Variants in RALGPS2 observed in about 807,000 individuals in gnomAD.
The protein encoded by RALGPS2 is Ral GEF with PH domain and SH3 binding motif 2.
In RALGPS2, 43 loss-of-function variants were observed where a neutral mutation model predicts 86.8. The ratio of observed to expected loss-of-function variants is 0.50; its 90% CI spans 0.39 to 0.64. The LOEUF is 0.64. Ranked by LOEUF, RALGPS2 falls within the 30% of genes least tolerant of loss-of-function variation. The pLI is 0.00. For missense variants in RALGPS2, 536 were observed against 694.6 expected (o/e 0.77, Z 2.57); for synonymous variants, 243 against 231.3 (o/e 1.05, Z -0.46).
chr1:178,830,135 G>C (rs1306595115), intron 7 of RALGPS2, among the ~76,000 whole-genome samples: 1 of 152,168 alleles, frequency 6.6e-6, no homozygotes, highest in East Asian at 1.9e-4. Flanking sequence ...TAGCTTGATA[G>C]CTTGATAATA....
At chr1:178,861,221 C>T (rs1237611952) in intron 8 of RALGPS2, among the ~76,000 whole-genome samples, 1 of 151,558 alleles carries the variant, frequency 6.6e-6, no homozygotes, top group Non-Finnish European at 1.5e-5. Flanking sequence ...AGCAGATTAT[C>T]CCTTTGAATT....
chr1:178,909,325 T>C (rs1660514494), intron 19 of RALGPS2, among the ~76,000 whole-genome samples: 1 of 152,218 alleles, frequency 6.6e-6, no homozygotes. Flanking sequence ...TGTAGTCTTG[T>C]AGTATAGTTT....
Position 178,920,447 on chromosome 1 carries a change from TC to T in RALGPS2, c.*4089del, listed in dbSNP as rs1459798558. The T allele has an allele frequency of 6.6e-6, 1 of 151,970 alleles. No homozygotes were observed. The highest frequency in any genetic ancestry group is 1.5e-5 in the Non-Finnish European group (1 of 67,870). 9.4% of individuals were successfully genotyped at this position (151,970 alleles called of 1,614,324 possible). A position where few individuals can be genotyped will look rare whatever the true frequency, so the allele number is the denominator to read the frequency against. On this transcript the variant is annotated 3_prime_UTR_variant, in exon 20 of 20. Transcript: ENST00000367635. Reference sequence around the variant, plus strand: ...CATGTGCCCTCTTGCTCCTCTTATTTCAGGAGTGTGTGCTATCCCTCTCTCC... The same window carrying T: ...CATGTGCCCTCTTGCTCCTCTTATTTAGGAGTGTGTGCTATCCCTCTCTCC...
chr1:178,788,829 T>TTTTTC (rs533774905), intron 4 of RALGPS2, among the ~76,000 whole-genome samples: 1 of 141,414 alleles, frequency 7.1e-6, no homozygotes, highest in East Asian at 2.0e-4. Flanking sequence ...TTTTCTTTTG[T>TTTTTC]TTTCTTTCTT....
At chr1:178,731,085 T>G (rs1161961889) in intron 1 of RALGPS2, among the ~76,000 whole-genome samples, 1 of 152,112 alleles carries the variant, frequency 6.6e-6, no homozygotes, top group East Asian at 1.9e-4. Flanking sequence ...TTTGGTGAAA[T>G]GCATCCTTTG....
intron 8 of RALGPS2, chr1:178,869,126 G>C (rs979928633): frequency 2.6e-5 from 4 of 151,938 alleles, no homozygotes; most frequent in African/African-American, 9.7e-5. Context: ...TTAAATTTAA[G>C]TCTTTACTTA....
intron 3 of RALGPS2, 51 bp downstream of exon 3, chr1:178,784,573 G>C (rs767339337): frequency 1.5e-6 from 2 of 1,362,998 alleles, no homozygotes; most frequent in South Asian, 3.1e-5. Context: ...TTTACATATT[G>C]GTGCTATTGA....
At chr1:178,735,732 T>C (rs1252846544) in intron 1 of RALGPS2, among the ~76,000 whole-genome samples, 1 of 151,450 alleles carries the variant, frequency 6.6e-6, no homozygotes, top group Non-Finnish European at 1.5e-5. Context: ...TACATGTATC[T>C]CAAAAGTAAA....
chr1:178,899,867 T>C (rs778099311), intron 17 of RALGPS2, among the ~76,000 whole-genome samples: 9 of 151,828 alleles, frequency 5.9e-5, no homozygotes, highest in Non-Finnish European at 1.2e-4. Flanking sequence ...CCTGGAGTTA[T>C]ATTGGGGAAA....
At chr1:178,809,070 G>A (rs1046076082) in intron 5 of RALGPS2, among the ~76,000 whole-genome samples, 8 of 151,758 alleles carry the variant, frequency 5.3e-5, no homozygotes, top group Admixed American at 4.6e-4. Context: ...AGCTGGTCTC[G>A]AACTCCTGGC....
At chr1:178,891,993 T>C (rs1340280240) in intron 14 of RALGPS2, among the ~76,000 whole-genome samples, 2 of 151,900 alleles carry the variant, frequency 1.3e-5, no homozygotes, top group African/African-American at 4.8e-5. Context: ...TATATGTAAA[T>C]ATATGGTGTG....
chr1:178,844,395 G>A (rs1423284306), intron 8 of RALGPS2, among the ~76,000 whole-genome samples: 2 of 152,088 alleles, frequency 1.3e-5, no homozygotes, highest in Non-Finnish European at 2.9e-5. Flanking sequence ...CCTATATGCT[G>A]GTAAAACTCT....
intron 8 of RALGPS2, among the ~76,000 whole-genome samples, chr1:178,849,476 G>T (rs749311678): frequency 3.3e-4 from 50 of 152,302 alleles, no homozygotes; most frequent in South Asian, 1.0e-3. Flanking sequence ...TGAAAATTCT[G>T]TAAGGCTTGT....
chr1:178,859,029 A>G (rs1657778807), intron 8 of RALGPS2, among the ~76,000 whole-genome samples: 1 of 152,154 alleles, frequency 6.6e-6, no homozygotes, highest in African/African-American at 2.4e-5. Context: ...ACATTTCTGG[A>G]GTGGGAAGTT....
At chr1:178,915,328 C>G (rs184731158) in intron 19 of RALGPS2, among the ~76,000 whole-genome samples, 1 of 152,146 alleles carries the variant, frequency 6.6e-6, no homozygotes, top group Non-Finnish European at 1.5e-5. Context: ...CTCTGCCTCC[C>G]GGGTTCAAGC....
At chr1:178,828,503 A>G (rs1655860745) in intron 7 of RALGPS2, among the ~76,000 whole-genome samples, 1 of 152,232 alleles carries the variant, frequency 6.6e-6, no homozygotes, top group Non-Finnish European at 1.5e-5. Context: ...CCACTGTTGT[A>G]TATGCAGTTT....
chr1:178,876,543 G>T (rs1022080737), intron 8 of RALGPS2, among the ~76,000 whole-genome samples: 10 of 152,180 alleles, frequency 6.6e-5, no homozygotes, highest in Non-Finnish European at 1.5e-4. Flanking sequence ...GATAGGCAGA[G>T]ATAAGTCCAG....
intron 19 of RALGPS2, among the ~76,000 whole-genome samples, chr1:178,910,324 A>G (rs2102418057): frequency 6.6e-6 from 1 of 152,288 alleles, no homozygotes; most frequent in Admixed American, 6.5e-5. Context: ...TAGAGTGGGC[A>G]TCCTTGTCCT....
chr1:178,765,116 A>G (rs1334042065), intron 1 of RALGPS2, among the ~76,000 whole-genome samples: 3 of 151,456 alleles, frequency 2.0e-5, no homozygotes, highest in African/African-American at 7.3e-5. Context: ...ACCAGAGCCG[A>G]TTAAACCACT....
Sources: gnomAD v4.1 joint callset for allele counts (sites outside exome capture counted in the v4.1 genomes callset) on GRCh38, gnomAD v4.1.1 for gene constraint, MANE v1.5 for transcripts, NCBI Gene and HGNC (gene_info 2026-07-23, HGNC 2026-07-21) for gene names.